Variants in SWAP70 observed in about 807,000 individuals in gnomAD.
SWAP70 encodes switch-associated protein 70.
Under a neutral mutation model 80.2 loss-of-function variants are expected in SWAP70, and 34 were observed. The ratio of observed to expected loss-of-function variants is 0.42; its 90% CI spans 0.32 to 0.56. The LOEUF is 0.56. Among genes scored for constraint, SWAP70 ranks in the 20% least tolerant of loss-of-function variants. The probability of loss-of-function intolerance (pLI) is 0.09; values close to 1 mark genes in which losing one functional copy is unlikely to be tolerated. For synonymous variants in SWAP70, 239 were observed against 238.5 expected (o/e 1.00, Z -0.02); for missense variants, 578 against 690.7 (o/e 0.84, Z 1.83).
intron 1 of SWAP70, among the ~76,000 whole-genome samples, chr11:9,688,791 C>T (rs1850661928): frequency 6.6e-6 from 1 of 151,882 alleles, no homozygotes; most frequent in Non-Finnish European, 1.5e-5. Context: ...AGGAAACAAG[C>T]AAGACTTAAG....
intron 7 of SWAP70, 68 bp from the exon 8 acceptor site, chr11:9,738,145 T>G: frequency 9.4e-7 from 1 of 1,065,320 alleles, no homozygotes; most frequent in South Asian, 1.9e-5. Context: ...AGTATGACTG[T>G]CTCTCTCTCT....
rs189118884 is a variant in SWAP70, at chr11:9,671,030, G to C, written c.99+6752G>C. The stretch of plus-strand genomic sequence containing the variant: ...GGCCTCCCAAAGTGCTGGGAGTACA[G>C]GCGTGAGCCACCATGCCCGGCCTAT... On this transcript the variant is annotated intron_variant, in intron 1 of 11. Coordinates refer to ENST00000318950, the MANE Select transcript of SWAP70 (RefSeq NM_015055.4). Among the ~76,000 whole-genome samples, 172 of 147,968 alleles carry C rather than the reference G, an allele frequency of 1.2e-3. 4 individuals are homozygous for C. The East Asian group carries it at 0.027, about 23-fold the overall frequency.
rs1381674509 is a variant in SWAP70 at position 9,678,367 on chromosome 11, G to GA, written c.99+14093dup. ...GTAAGGGCAGCTCTCTAAATAAAGA[G>GA]AAAATTACACATTTAGATATCTTAA... On this transcript the variant is annotated intron_variant, in intron 1 of 11. Coordinates refer to ENST00000318950, the MANE Select transcript of SWAP70 (RefSeq NM_015055.4). 2.0e-5 allele frequency among the ~76,000 whole-genome samples: 3 copies of GA among 151,594 alleles called. No homozygotes were observed. The East Asian group carries it at 5.8e-4, about 29-fold the overall frequency.
intron 1 of SWAP70, among the ~76,000 whole-genome samples, chr11:9,671,467 A>T (rs1431124739): frequency 2.1e-5 from 2 of 94,756 alleles, no homozygotes; most frequent in Non-Finnish European, 3.8e-5. Flanking sequence ...TATATATATA[A>T]ATATATAAAA....
intron 9 of SWAP70, chr11:9,741,342 T>A (rs1173007742): frequency 6.6e-6 from 1 of 152,216 alleles, no homozygotes. Flanking sequence ...AATAGAAAAT[T>A]AAGCATGTAG....
chr11:9,707,902 A>G lies in SWAP70; in HGVS notation c.241-5564A>G, dbSNP rs368789362. Among the ~76,000 whole-genome samples the G allele has an allele frequency of 4.6e-5, 7 of 152,078 alleles. No individual in the cohort carries two copies. The East Asian group carries it at 7.7e-4, about 17-fold the overall frequency. Reference sequence around the variant, plus strand: ...TAAAAAAAAATTTTTTTAAACTTTAATAGTTTTGGGGGAACAGGTGGTTTT... The same window carrying G: ...TAAAAAAAAATTTTTTTAAACTTTAGTAGTTTTGGGGGAACAGGTGGTTTT... On this transcript the variant is annotated intron_variant, in intron 2 of 11. Coordinates refer to ENST00000318950, the MANE Select transcript of SWAP70 (RefSeq NM_015055.4).
At chr11:9,716,313 A>G (rs766719603) in intron 3 of SWAP70, among the ~76,000 whole-genome samples, 4 of 152,200 alleles carry the variant, frequency 2.6e-5, no homozygotes, top group Admixed American at 6.5e-5. Context: ...AGAAGGCCAG[A>G]TGGGAAGAAC....
intron 6 of SWAP70, among the ~76,000 whole-genome samples, chr11:9,732,237 T>C (rs1465692176): frequency 6.6e-6 from 1 of 151,966 alleles, no homozygotes; most frequent in Non-Finnish European, 1.5e-5. Context: ...TGAGCACAGA[T>C]ACAGTTAACA....
Position 9,679,798 on chromosome 11 carries a change from A to G in SWAP70, c.100-14348A>G, listed in dbSNP as rs1017156975. On this transcript the variant is annotated intron_variant, in intron 1 of 11. Transcript: ENST00000318950. Reference sequence around the variant, plus strand: ...ATTCTCCTGCCTTAGCCTCCTGAGTAGCTGGGACTACAGGTGCCCGCCACC... The same window carrying G: ...ATTCTCCTGCCTTAGCCTCCTGAGTGGCTGGGACTACAGGTGCCCGCCACC... Among the ~76,000 whole-genome samples the G allele has an allele frequency of 5.9e-5, 9 of 152,082 alleles. No individual in the cohort carries two copies. The South Asian group carries it at 1.9e-3, about 32-fold the overall frequency.
At chr11:9,705,671 G>C (rs1850899014) in intron 2 of SWAP70, among the ~76,000 whole-genome samples, 1 of 143,950 alleles carries the variant, frequency 6.9e-6, no homozygotes, top group African/African-American at 2.8e-5. Context: ...CTGGTGATCT[G>C]TGTACACTTG....
chr11:9,672,836 A>G (rs1332867954), intron 1 of SWAP70, among the ~76,000 whole-genome samples: 1 of 152,220 alleles, frequency 6.6e-6, no homozygotes, highest in Non-Finnish European at 1.5e-5. Context: ...ATTAAGTAAA[A>G]GAAAAATGAT....
chr11:9,728,116 C>G lies in SWAP70; in HGVS notation c.706C>G (p.Pro236Ala). Residue 236 changes from proline (P) to alanine (A), a missense_variant, in exon 5 of 12, where the codon CCC (proline) becomes GCC (alanine). Coordinates refer to ENST00000318950, the MANE Select transcript of SWAP70 (RefSeq NM_015055.4). ...GACTGAAAGATGGTTTGTACTAAAA[C>G]CCAACATAATTTCTTACTATGTGAG... ...NWTERWFVLKPNIISYYVSED... is the reference protein window; with the variant it reads ...NWTERWFVLKANIISYYVSED... 1 of 1,612,854 alleles carries G rather than the reference C, an allele frequency of 6.2e-7. No homozygotes were observed. The highest frequency in any genetic ancestry group is 8.5e-7 in the Non-Finnish European group (1 of 1,179,524).
chr11:9,700,988 A>G (rs949086922), intron 2 of SWAP70, among the ~76,000 whole-genome samples: 6 of 152,010 alleles, frequency 3.9e-5, no homozygotes, highest in Non-Finnish European at 8.8e-5. Context: ...TGGGAGAATT[A>G]TTCTGAGGAG....
chr11:9,676,592 A>G (rs1312149229), intron 1 of SWAP70, among the ~76,000 whole-genome samples: 3 of 151,562 alleles, frequency 2.0e-5, no homozygotes, highest in Non-Finnish European at 4.4e-5. Context: ...GTTAAGTTAC[A>G]TTGTTTAAGG....
intron 9 of SWAP70, among the ~76,000 whole-genome samples, chr11:9,746,982 A>T (rs1038609879): frequency 7.2e-5 from 11 of 152,246 alleles, no homozygotes; most frequent in African/African-American, 2.7e-4. Flanking sequence ...CTGACCAGTC[A>T]TGTGACTTGA....
chr11:9,725,512 T>C (rs1456866959), intron 4 of SWAP70, among the ~76,000 whole-genome samples: 1 of 135,940 alleles, frequency 7.4e-6, no homozygotes, highest in African/African-American at 2.7e-5. Context: ...TGAAACCCTG[T>C]CTGTATTAAA....
chr11:9,711,000 A>T (rs1321389043), intron 2 of SWAP70, among the ~76,000 whole-genome samples: 4 of 140,696 alleles, frequency 2.8e-5, no homozygotes, highest in African/African-American at 1.2e-4. Context: ...TTTTATTTTT[A>T]TTTATTTATT....
At chr11:9,725,885 T>TTTAAAG (rs370413406) in intron 4 of SWAP70, among the ~76,000 whole-genome samples, 49,720 of 151,992 alleles carry the variant, frequency 0.33, 8,363 homozygotes, top group Non-Finnish European at 0.35. Flanking sequence ...CCAAAATATT[T>TTTAAAG]TATTTTGGAA....
chr11:9,687,359 G>A (rs929356514), intron 1 of SWAP70, among the ~76,000 whole-genome samples: 1 of 152,166 alleles, frequency 6.6e-6, no homozygotes, highest in Non-Finnish European at 1.5e-5. Flanking sequence ...AAAGGTCCCA[G>A]GAGTTCCACC....
Sources: allele counts gnomAD v4.1 joint callset (sites outside exome capture counted in the v4.1 genomes callset), GRCh38; gene constraint gnomAD v4.1.1; transcripts MANE v1.5; gene names NCBI Gene and HGNC (gene_info 2026-07-23, HGNC 2026-07-21).